Variants in SGCD observed in about 807,000 individuals in gnomAD.
The protein encoded by SGCD is delta-sarcoglycan.
SGCD carries 18 observed loss-of-function variants against 36.6 expected under a neutral mutation model. The observed-to-expected ratio is 0.49, with a 90% CI of 0.34 to 0.73. SGCD has a LOEUF of 0.73. Ranked by LOEUF, SGCD falls within the 30% of genes least tolerant of loss-of-function variation. The pLI, the probability that SGCD is intolerant of heterozygous loss-of-function variation, is 0.01. For synonymous variants in SGCD, 133 were observed against 130.6 expected (o/e 1.02, Z -0.12); for missense variants, 387 against 346.7 (o/e 1.12, Z -0.92).
intron 7 of SGCD, among the ~76,000 whole-genome samples, chr5:156,649,312 A>G (rs1183270963): frequency 1.3e-5 from 2 of 152,168 alleles, no homozygotes; most frequent in Non-Finnish European, 2.9e-5. Flanking sequence ...GCGATTCCTC[A>G]GGGATCTAGA....
chr5:156,305,725 G>A (rs1767188916), intron 3 of SGCD, among the ~76,000 whole-genome samples: 1 of 152,208 alleles, frequency 6.6e-6, no homozygotes, highest in Admixed American at 6.5e-5. Context: ...CTCAATGCTA[G>A]CCCATGATAG....
rs60893052 is a variant in SGCD, at chr5:156,269,469, C to CAAAAA, written c.-43-60028_-43-60024dup. ...TAGGGGACAGAGTGAGACTCCGTCT[C>CAAAAA]AAAAAAAAAAAAAAAAAAAAAAAAA... On this transcript the variant is annotated intron_variant, in intron 3 of 9. Coordinates refer to the SGCD transcript ENST00000517913. 1.0e-3 allele frequency among the ~76,000 whole-genome samples: 31 copies of CAAAAA among 30,474 alleles called. 2 individuals are homozygous for CAAAAA. The highest frequency in any genetic ancestry group is 1.2e-3 in the Non-Finnish European group (20 of 16,276). The allele number at this position is 30,474 out of a possible 152,430, so 20.0% of individuals were successfully genotyped here.
chr5:156,370,153 A>G (rs764845618), intron 3 of SGCD, among the ~76,000 whole-genome samples: 1 of 152,208 alleles, frequency 6.6e-6, no homozygotes, highest in Admixed American at 6.5e-5. Context: ...AGTGACCTTG[A>G]GAGAATAATA....
intron 3 of SGCD, among the ~76,000 whole-genome samples, chr5:156,423,040 A>G (rs907934359): frequency 6.7e-6 from 1 of 149,598 alleles, no homozygotes; most frequent in Non-Finnish European, 1.5e-5. Context: ...CAGACACAAA[A>G]CTCATGCTGC....
intron 3 of SGCD, among the ~76,000 whole-genome samples, chr5:156,193,451 C>T (rs1763942031): frequency 6.6e-6 from 1 of 152,100 alleles, no homozygotes; most frequent in Admixed American, 6.6e-5. Context: ...GTTTAGTAAC[C>T]TCCAAAAGAT....
chr5:156,094,005 G>C (rs1051167810), intron 1 of SGCD, among the ~76,000 whole-genome samples: 1 of 152,202 alleles, frequency 6.6e-6, no homozygotes, highest in Non-Finnish European at 1.5e-5. Flanking sequence ...TCTGGTCATG[G>C]TATTGCTCTG....
chr5:155,766,445 C>T, the SGCD span, among the ~76,000 whole-genome samples: 17 of 152,054 alleles, frequency 1.1e-4, no homozygotes, highest in African/African-American at 1.9e-4. Flanking sequence ...TATGTGTTTA[C>T]CTGCTAGACT....
rs147355059 is a variant in SGCD at position 156,243,115 on chromosome 5, G to A, written c.-43-86419G>A. Among the ~76,000 whole-genome samples, 520 of 152,310 alleles carry A rather than the reference G, an allele frequency of 3.4e-3. 2 individuals carry two copies. Among genetic ancestry groups the A allele is most frequent in the Non-Finnish European group, 5.5e-3 (376 of 68,032 alleles). On this transcript the variant is annotated intron_variant, in intron 3 of 9. Transcript: ENST00000517913. ...GGGCAGCCTGGCATGGGATATTGGAGCCCACACAAGGTGATGAGCATATCT... is the reference window on the plus strand; with the variant it reads ...GGGCAGCCTGGCATGGGATATTGGAACCCACACAAGGTGATGAGCATATCT...
chr5:156,263,908 T>C (rs1325639355), intron 3 of SGCD, among the ~76,000 whole-genome samples: 1 of 151,982 alleles, frequency 6.6e-6, no homozygotes, highest in Non-Finnish European at 1.5e-5. Context: ...CTATAAGTAT[T>C]TGGGTTTATT....
chr5:156,341,538 C>A (rs1356503522), intron 2 of SGCD, among the ~76,000 whole-genome samples: 1 of 152,022 alleles, frequency 6.6e-6, no homozygotes, highest in African/African-American at 2.4e-5. Flanking sequence ...TGTTCAGTTT[C>A]TTTTGTGTTT....
chr5:156,548,663 A>G (rs1363527750), intron 4 of SGCD, among the ~76,000 whole-genome samples: 1 of 151,952 alleles, frequency 6.6e-6, no homozygotes, highest in Non-Finnish European at 1.5e-5. Flanking sequence ...GACTTTCCTT[A>G]TAACAGTGAT....
intron 1 of SGCD, among the ~76,000 whole-genome samples, chr5:156,019,279 A>G (rs958175373): frequency 6.6e-6 from 1 of 152,202 alleles, no homozygotes. Context: ...GTAAATCACC[A>G]TATGCTACGC....
chr5:156,574,624 G>GT (rs549209881), intron 4 of SGCD, among the ~76,000 whole-genome samples: 5 of 151,640 alleles, frequency 3.3e-5, no homozygotes, highest in South Asian at 2.1e-4. Flanking sequence ...TGGGCTTTGG[G>GT]TTTTTTTTCC....
intron 3 of SGCD, among the ~76,000 whole-genome samples, chr5:156,174,481 G>A (rs1763419093): frequency 6.6e-6 from 1 of 152,162 alleles, no homozygotes; most frequent in African/African-American, 2.4e-5. Context: ...ATCAAGCAGG[G>A]CCACCTGTGC....
At chr5:155,781,967 G>C in the SGCD span, among the ~76,000 whole-genome samples, 3 of 151,616 alleles carry the variant, frequency 2.0e-5, no homozygotes, top group Admixed American at 2.0e-4. Flanking sequence ...AGTGGATGGA[G>C]TAACTACAGG....
At chr5:155,904,620 G>T (rs115326000) in intron 1 of SGCD, among the ~76,000 whole-genome samples, 48 of 152,178 alleles carry the variant, frequency 3.2e-4, no homozygotes, top group African/African-American at 1.1e-3. Flanking sequence ...AATTCTTTTC[G>T]TGTAAAATAT....
At chr5:156,485,548 A>G (rs1328734343) in intron 3 of SGCD, among the ~76,000 whole-genome samples, 1 of 152,108 alleles carries the variant, frequency 6.6e-6, no homozygotes, top group Non-Finnish European at 1.5e-5. Context: ...CTGTAGTCCC[A>G]GCTACTGGGA....
At chr5:156,533,556 A>T (rs1018535232) in intron 4 of SGCD, among the ~76,000 whole-genome samples, 3 of 152,208 alleles carry the variant, frequency 2.0e-5, no homozygotes, top group African/African-American at 2.4e-5. Flanking sequence ...GAAGATTATA[A>T]AAACTTACAC....
intron 6 of SGCD, among the ~76,000 whole-genome samples, chr5:156,631,476 T>TTTA (rs895559207): frequency 9.5e-5 from 14 of 147,790 alleles, no homozygotes; most frequent in African/African-American, 3.5e-4. Context: ...TTTTTTTTTT[T>TTTA]AAAAAAAAGA....
Sources: gnomAD v4.1 joint callset for allele counts (sites outside exome capture counted in the v4.1 genomes callset) on GRCh38, gnomAD v4.1.1 for gene constraint, MANE v1.5 for transcripts, NCBI Gene and HGNC (gene_info 2026-07-23, HGNC 2026-07-21) for gene names.